ATP9A: variants seen among roughly 807,000 people sequenced by gnomAD.
The protein encoded by ATP9A is probable phospholipid-transporting ATPase IIA.
A neutral mutation model predicts 144.1 loss-of-function variants in ATP9A; 52 were observed. That is an observed-to-expected ratio of 0.36 (90% confidence interval 0.29 to 0.45). The LOEUF (loss-of-function observed/expected upper bound fraction) is 0.45. Among genes scored for constraint, ATP9A ranks in the 20% least tolerant of loss-of-function variants. The pLI, the probability that ATP9A is intolerant of heterozygous loss-of-function variation, is 1.00. For missense variants in ATP9A, 947 were observed against 1,392.7 expected (o/e 0.68, Z 5.09); for synonymous variants, 582 against 557.4 (o/e 1.04, Z -0.62).
At chr20:51,623,527 TC>T (rs1009355534) in intron 18 of ATP9A, among the ~76,000 whole-genome samples, 3 of 152,048 alleles carry the variant, frequency 2.0e-5, no homozygotes, top group African/African-American at 7.2e-5. Flanking sequence ...ACGCCTATAA[TC>T]CCAACACTTT....
At chr20:51,631,530 G>A (rs748999372) in intron 15 of ATP9A, among the ~76,000 whole-genome samples, 2 of 152,102 alleles carry the variant, frequency 1.3e-5, no homozygotes, top group South Asian at 4.1e-4. Flanking sequence ...TATAAATACC[G>A]CATCAACGAT....
chr20:51,602,722 G>A (rs749574345), intron 27 of ATP9A, among the ~76,000 whole-genome samples: 2 of 152,158 alleles, frequency 1.3e-5, no homozygotes, highest in Admixed American at 6.5e-5. Context: ...AAAGAGCCGC[G>A]ATCAAAGATG....
intron 13 of ATP9A, among the ~76,000 whole-genome samples, chr20:51,663,113 C>T (rs1232106328): frequency 1.3e-5 from 2 of 152,076 alleles, no homozygotes; most frequent in Non-Finnish European, 1.5e-5. Flanking sequence ...AAGATCCAGA[C>T]CCAAAGAATG....
intron 3 of ATP9A, among the ~76,000 whole-genome samples, chr20:51,721,751 C>T (rs2077690065): frequency 1.4e-5 from 2 of 143,910 alleles, no homozygotes; most frequent in Non-Finnish European, 3.0e-5. Flanking sequence ...CAGTGAGCCA[C>T]GATCACACCA....
chr20:51,723,444 T>C (rs940353639), intron 3 of ATP9A, among the ~76,000 whole-genome samples: 1 of 151,804 alleles, frequency 6.6e-6, no homozygotes, highest in African/African-American at 2.4e-5. Flanking sequence ...CATGGTGGCA[T>C]GTGCCTGTAG....
chr20:51,692,611 G>T (rs1258877304), intron 7 of ATP9A, among the ~76,000 whole-genome samples: 1 of 152,170 alleles, frequency 6.6e-6, no homozygotes, highest in African/African-American at 2.4e-5. Flanking sequence ...AGACCAGCCT[G>T]GCCAACACGG....
At chr20:51,616,162 G>A (rs565334484) in intron 22 of ATP9A, among the ~76,000 whole-genome samples, 34 of 152,016 alleles carry the variant, frequency 2.2e-4, no homozygotes, top group Non-Finnish European at 3.8e-4. Context: ...TTAAATCATC[G>A]TCATCTTGCT....
chr20:51,631,347 C>T (rs1353736636), intron 15 of ATP9A, among the ~76,000 whole-genome samples: 2 of 152,296 alleles, frequency 1.3e-5, no homozygotes, highest in East Asian at 1.9e-4. Context: ...CTGCTCTTGA[C>T]GCAGGCCAAA....
chr20:51,665,142 G>A (rs1438190907), intron 13 of ATP9A, among the ~76,000 whole-genome samples: 1 of 151,884 alleles, frequency 6.6e-6, no homozygotes, highest in African/African-American at 2.4e-5. Context: ...ACGGAAGACC[G>A]GCCAGACACA....
chr20:51,671,102 GA>G lies in ATP9A; in HGVS notation c.1180+12del. 6.2e-7 allele frequency: 1 copy of G among 1,609,842 alleles called. No individual in the cohort carries two copies. The highest frequency in any genetic ancestry group is 8.5e-7 in the Non-Finnish European group (1 of 1,176,378). ...CACCAGGAATCCTGCGCAGGTCCCA[GA>G]AAGCAGCTCACCTGTCTTGTCTGTG... On this transcript the variant is annotated intron_variant, in intron 12 of 27. Coordinates refer to ENST00000338821, the MANE Select transcript of ATP9A (RefSeq NM_006045.3).
intron 13 of ATP9A, among the ~76,000 whole-genome samples, chr20:51,661,413 G>C (rs2122775045): frequency 6.6e-6 from 1 of 151,454 alleles, no homozygotes; most frequent in African/African-American, 2.4e-5. Context: ...GCCCAGGCTG[G>C]AGTGAAGAGG....
At chr20:51,751,772 T>C (rs981070946) in intron 1 of ATP9A, among the ~76,000 whole-genome samples, 2 of 152,100 alleles carry the variant, frequency 1.3e-5, no homozygotes, top group Admixed American at 6.5e-5. Context: ...GTATTTTTAG[T>C]AGAGACGGGG....
chr20:51,692,385 G>A (rs1427734076), intron 7 of ATP9A, among the ~76,000 whole-genome samples: 1 of 152,226 alleles, frequency 6.6e-6, no homozygotes, highest in East Asian at 1.9e-4. Context: ...GCGTAAGACA[G>A]GCACAGTCAG....
chr20:51,626,397 G>A lies in ATP9A; in HGVS notation c.1846-1035C>T, dbSNP rs376898591. On this transcript the variant is annotated intron_variant, in intron 17 of 27. Transcript: ENST00000338821. ...CCAGCTACTTGGGGGCTTGAGGGAG[G>A]AGAATCGCTTGAATCCAGGAGGCAG... Among the ~76,000 whole-genome samples, 12 of 151,968 alleles carry A rather than the reference G, an allele frequency of 7.9e-5. No individual in the cohort carries two copies. In the East Asian group the frequency reaches 1.2e-3, roughly 15 times the overall value.
intron 9 of ATP9A, among the ~76,000 whole-genome samples, chr20:51,678,947 G>T (rs1286741136): frequency 6.6e-6 from 1 of 152,130 alleles, no homozygotes; most frequent in African/African-American, 2.4e-5. Context: ...GCACACACCG[G>T]ATGCGCCTTG....
chr20:51,707,088 C>T (rs543331814), intron 4 of ATP9A, among the ~76,000 whole-genome samples: 1 of 152,262 alleles, frequency 6.6e-6, no homozygotes, highest in Non-Finnish European at 1.5e-5. Flanking sequence ...GCTTTGCATT[C>T]GACTTGATGC....
Position 51,601,134 on chromosome 20 carries a change from G to T in ATP9A, c.*77C>A, listed in dbSNP as rs189755928. The T allele has an allele frequency of 6.8e-7, 1 of 1,474,920 alleles. No individual in the cohort carries two copies. The highest frequency in any genetic ancestry group is 9.1e-7 in the Non-Finnish European group (1 of 1,102,576). 91.4% of individuals were successfully genotyped at this position (1,474,920 alleles called of 1,614,324 possible). ...AATTACTGCAAAATCCACAGGTGGC[G>T]GTTAATATAAATGGAACTTGAGCTC... On this transcript the variant is annotated 3_prime_UTR_variant, in exon 28 of 28. Transcript: ENST00000338821.
At chr20:51,761,490 C>CGGGCGCG (rs1906203818) in intron 1 of ATP9A, among the ~76,000 whole-genome samples, 8 of 151,922 alleles carry the variant, frequency 5.3e-5, no homozygotes, top group Non-Finnish European at 1.2e-4. Context: ...GGCCGGGCGC[C>CGGGCGCG]GTGGCTCACG....
chr20:51,654,100 C>A lies in ATP9A; in HGVS notation c.1506+2838G>T, dbSNP rs192163673. On this transcript the variant is annotated intron_variant, in intron 14 of 27. Transcript: ENST00000338821. ...ATCACCCAAACCTACCCTCCCTCCC[C>A]CTCTCTCTTTCTGCACACAATTCCC... 3.3e-4 allele frequency among the ~76,000 whole-genome samples: 51 copies of A among 152,292 alleles called. No individual in the cohort carries two copies. In the East Asian group the frequency reaches 9.7e-3, roughly 29 times the overall value.
Sources: gnomAD v4.1 joint callset for allele counts (sites outside exome capture counted in the v4.1 genomes callset) on GRCh38, gnomAD v4.1.1 for gene constraint, MANE v1.5 for transcripts, NCBI Gene and HGNC (gene_info 2026-07-23, HGNC 2026-07-21) for gene names.